The following METTL15 variants were observed in gnomAD, a reference collection of about 807,000 sequenced individuals.
METTL15 encodes the protein 12S rRNA N(4)-cytidine methyltransferase METTL15.
METTL15 carries 34 observed loss-of-function variants against 38.3 expected under a neutral mutation model. That is an observed-to-expected ratio of 0.89 (90% CI 0.68 to 1.18). The LOEUF (loss-of-function observed/expected upper bound fraction) is 1.18, where lower values mean the gene tolerates loss of function less well. Ranked by LOEUF, METTL15 falls within the 50% of genes most tolerant of loss-of-function variation. The pLI is 0.00. For missense variants in METTL15, 438 were observed against 498.4 expected (o/e 0.88, Z 1.15); for synonymous variants, 162 against 170.9 (o/e 0.95, Z 0.41).
chr11:28,376,497 T>G (rs1412637536), intron 5 of METTL15, among the ~76,000 whole-genome samples: 1 of 151,816 alleles, frequency 6.6e-6, no homozygotes, highest in Non-Finnish European at 1.5e-5. Flanking sequence ...CCCCTGCCTT[T>G]TTTTGTTTTC....
intron 3 of METTL15, chr11:28,123,890 A>G (rs1210357881): frequency 4.1e-6 from 6 of 1,471,034 alleles, no homozygotes; most frequent in East Asian, 5.1e-5. Flanking sequence ...GATATTTAAT[A>G]TATTCATAAA....
chr11:28,168,842 C>T (rs1008859170), intron 3 of METTL15, among the ~76,000 whole-genome samples: 6 of 151,848 alleles, frequency 4.0e-5, no homozygotes, highest in Non-Finnish European at 2.9e-5. Context: ...ATGAAACAGC[C>T]GGTGGGAAAA....
At chr11:28,164,483 T>C (rs1032316696) in intron 3 of METTL15, among the ~76,000 whole-genome samples, 1 of 152,076 alleles carries the variant, frequency 6.6e-6, no homozygotes, top group African/African-American at 2.4e-5. Flanking sequence ...TAGCCATACA[T>C]GATTTTCTTT....
chr11:28,330,575 T>C lies in METTL15; in HGVS notation c.958T>C (p.Ser320Pro), dbSNP rs959841226. The C allele has an allele frequency of 4.5e-6, 7 of 1,551,478 alleles. No individual in the cohort carries two copies. In the African/African-American group the frequency reaches 9.6e-5, roughly 21 times the overall value. Residue 320 changes from serine (S) to proline (P), a missense_variant, in exon 7 of 7, where the codon TCC becomes CCC. Ser to Pro is a moderately conservative substitution (Grantham distance 74). Transcript: ENST00000407364. ...LRPGGRLVAL[S>P]FHSLEDRIVK... ...ACCTGGTGGTCGTCTTGTTGCCCTC[T>C]CCTTCCATTCACTAGAGGATCGCAT...
chr11:28,406,481 G>A (rs1451084839), intron 5 of METTL15, among the ~76,000 whole-genome samples: 2 of 151,944 alleles, frequency 1.3e-5, no homozygotes, highest in African/African-American at 4.8e-5. Context: ...TGGTGTACAT[G>A]TGCCACATTT....
intron 6 of METTL15, among the ~76,000 whole-genome samples, chr11:28,498,366 G>A (rs924980871): frequency 4.6e-5 from 7 of 152,028 alleles, no homozygotes; most frequent in African/African-American, 1.7e-4. Flanking sequence ...CACTGTGTTA[G>A]CCAGGATGGT....
intron 3 of METTL15, among the ~76,000 whole-genome samples, chr11:28,162,204 T>C (rs1394791525): frequency 6.6e-6 from 1 of 152,078 alleles, no homozygotes; most frequent in Non-Finnish European, 1.5e-5. Flanking sequence ...GCAGCCAGGC[T>C]CTAGAGCCTT....
chr11:28,432,762 A>G (rs1420153821), intron 6 of METTL15, among the ~76,000 whole-genome samples: 2 of 152,190 alleles, frequency 1.3e-5, no homozygotes, highest in Non-Finnish European at 2.9e-5. Context: ...TATTCAATGA[A>G]TTCTCAGCTG....
intron 4 of METTL15, among the ~76,000 whole-genome samples, chr11:28,266,722 G>A (rs537326634): frequency 6.6e-6 from 1 of 152,158 alleles, no homozygotes; most frequent in Non-Finnish European, 1.5e-5. Flanking sequence ...TCTCTTACCT[G>A]GATCAGTGCA....
intron 4 of METTL15, among the ~76,000 whole-genome samples, chr11:28,238,912 G>A (rs897190890): frequency 5.3e-5 from 8 of 152,156 alleles, no homozygotes; most frequent in African/African-American, 7.2e-5. Context: ...CATCAGCATC[G>A]TGTGTCATAG....
At chr11:28,526,569 A>G (rs1851813736) in intron 7 of METTL15, 1 of 152,122 alleles carries the variant, frequency 6.6e-6, no homozygotes, top group Admixed American at 6.5e-5. Context: ...TACATGAGTC[A>G]CTTTTCTTTT....
intron 4 of METTL15, among the ~76,000 whole-genome samples, chr11:28,285,492 A>G (rs995184063): frequency 2.6e-5 from 4 of 152,126 alleles, no homozygotes; most frequent in African/African-American, 9.7e-5. Flanking sequence ...TGGAGTAAAG[A>G]AGACTTAAAG....
intron 5 of METTL15, among the ~76,000 whole-genome samples, chr11:28,374,789 A>T: frequency 6.6e-6 from 1 of 150,918 alleles, no homozygotes; most frequent in South Asian, 2.1e-4. Context: ...TCAGTATGGT[A>T]TTGGCTGTGG....
At chr11:28,163,440 A>C (rs1337688332) in intron 3 of METTL15, 1 of 397,774 alleles carries the variant, frequency 2.5e-6, no homozygotes, top group Non-Finnish European at 4.4e-6. Context: ...ATCGGTTCCA[A>C]ATTTTTCCTC....
chr11:28,185,812 A>T (rs1464975086), intron 3 of METTL15, among the ~76,000 whole-genome samples: 1 of 150,698 alleles, frequency 6.6e-6, no homozygotes, highest in African/African-American at 2.4e-5. Flanking sequence ...AGCCTTGAAG[A>T]TATAACAGTT....
rs1399659682 is a variant in METTL15 at position 28,451,748 on chromosome 11, T to C, written c.*424+27384T>C. On this transcript the variant is annotated intron_variant and NMD_transcript_variant, in intron 6 of 7. Transcript: ENST00000532947. ...CTTCCCTTCACTGCTCACCCTATTATGCAGCGTCTGCTGGTGACGTTAGCC... is the reference window on the plus strand; with the variant it reads ...CTTCCCTTCACTGCTCACCCTATTACGCAGCGTCTGCTGGTGACGTTAGCC... 2.0e-5 allele frequency among the ~76,000 whole-genome samples: 3 copies of C among 152,352 alleles called. No homozygotes were observed. The East Asian group carries it at 5.8e-4, about 29-fold the overall frequency.
intron 5 of METTL15, among the ~76,000 whole-genome samples, chr11:28,385,779 C>T (rs1251343544): frequency 6.6e-6 from 1 of 151,960 alleles, no homozygotes; most frequent in Non-Finnish European, 1.5e-5. Flanking sequence ...ATAATCTTTG[C>T]ATTACATGTT....
intron 6 of METTL15, among the ~76,000 whole-genome samples, chr11:28,329,326 C>T (rs1427255097): frequency 6.6e-6 from 1 of 152,082 alleles, no homozygotes; most frequent in Non-Finnish European, 1.5e-5. Flanking sequence ...GTTGCTATGC[C>T]AGTACCACAC....
intron 3 of METTL15, among the ~76,000 whole-genome samples, chr11:28,174,065 C>G (rs191808350): frequency 6.6e-6 from 1 of 152,266 alleles, no homozygotes; most frequent in East Asian, 1.9e-4. Flanking sequence ...ATGCTGTACT[C>G]TTTGGGAGGA....
Sources: allele counts gnomAD v4.1 joint callset (sites outside exome capture counted in the v4.1 genomes callset), GRCh38; gene constraint gnomAD v4.1.1; transcripts MANE v1.5; gene names NCBI Gene and HGNC (gene_info 2026-07-23, HGNC 2026-07-21).